PXDNL: variants seen among roughly 807,000 people sequenced by gnomAD.
PXDNL encodes probable oxidoreductase PXDNL.
PXDNL carries 145 observed loss-of-function variants against 150.8 expected under a neutral mutation model. The ratio of observed to expected loss-of-function variants is 0.96; its 90% CI spans 0.84 to 1.10. The LOEUF is 1.10. Ranked by LOEUF, PXDNL falls within the 50% of genes least tolerant of loss-of-function variation. The pLI is 0.00. For synonymous variants in PXDNL, 757 were observed against 725.7 expected, an observed-to-expected ratio of 1.04 and a Z score of -0.69; for missense variants, 2,087 against 1,873.9, an observed-to-expected ratio of 1.11 and a Z score of -2.10.
At chr8:51,520,415 G>T (rs1470379985) in intron 4 of PXDNL, among the ~76,000 whole-genome samples, 1 of 150,220 alleles carries the variant, frequency 6.7e-6, no homozygotes, top group Non-Finnish European at 1.5e-5. Context: ...AGTGACTGGG[G>T]CCAATCACTC....
intron 3 of PXDNL, among the ~76,000 whole-genome samples, chr8:51,584,386 C>T (rs1164070798): frequency 1.3e-5 from 2 of 152,154 alleles, no homozygotes; most frequent in South Asian, 2.1e-4. Flanking sequence ...ACTGCCTGCT[C>T]TGCTTCTGTT....
At chr8:51,493,972 T>C (rs2130248144) in intron 5 of PXDNL, among the ~76,000 whole-genome samples, 1 of 152,062 alleles carries the variant, frequency 6.6e-6, no homozygotes, top group Non-Finnish European at 1.5e-5. Flanking sequence ...CCAAGACACA[T>C]AATTGTCAGA....
At chr8:51,807,625 T>C (rs768674733) in intron 1 of PXDNL, among the ~76,000 whole-genome samples, 6 of 152,186 alleles carry the variant, frequency 3.9e-5, no homozygotes, top group Non-Finnish European at 8.8e-5. Flanking sequence ...CAGACAGGAA[T>C]CTAGCCAAGG....
Position 51,409,076 on chromosome 8 carries a change from C to G in PXDNL, c.2548G>C (p.Ala850Pro). The G allele has an allele frequency of 1.2e-6, 2 of 1,609,428 alleles. No homozygotes were observed. Among genetic ancestry groups the G allele is most frequent in the Non-Finnish European group, 1.7e-6 (2 of 1,179,412 alleles). The stretch of plus-strand genomic sequence containing the variant: ...GGCGCGTGGGTGCCCCGGGGGTCGG[C>G]GTGCCGGGTGTTCATGGGGAAACAA... ...PPCFPMNTRH[A>P]DPRGTHAPCM... is the part of the protein sequence containing the mutation. The change falls in exon 17 of 23, where the codon GCC (alanine) becomes CCC (proline). Residue 850 changes from alanine to proline, a missense_variant. By Grantham distance (27) the Ala-to-Pro change is conservative (BLOSUM62 -1). Transcript: ENST00000356297.
At chr8:51,383,701 T>TA (rs910676488) in intron 17 of PXDNL, among the ~76,000 whole-genome samples, 5 of 152,172 alleles carry the variant, frequency 3.3e-5, no homozygotes, top group Non-Finnish European at 5.9e-5. Context: ...AGCTATATTT[T>TA]AAAAAAAGTG....
intron 4 of PXDNL, among the ~76,000 whole-genome samples, chr8:51,551,690 A>T (rs184266559): frequency 1.6e-4 from 25 of 152,338 alleles, no homozygotes; most frequent in Middle Eastern, 3.4e-3. Flanking sequence ...AGGGTCAAAG[A>T]TGTAAATCTA....
chr8:51,730,942 C>T (rs763223565), intron 1 of PXDNL, among the ~76,000 whole-genome samples: 2 of 152,132 alleles, frequency 1.3e-5, no homozygotes, highest in Non-Finnish European at 2.9e-5. Flanking sequence ...GAGTCCCTCC[C>T]ATGACATGTG....
intron 5 of PXDNL, among the ~76,000 whole-genome samples, chr8:51,486,617 T>C (rs1281237987): frequency 6.7e-6 from 1 of 150,078 alleles, no homozygotes; most frequent in Admixed American, 6.6e-5. Context: ...TTTTTCTTTC[T>C]TCTTTCCAAC....
chr8:51,802,125 T>C (rs1236510041), intron 1 of PXDNL, among the ~76,000 whole-genome samples: 1 of 152,042 alleles, frequency 6.6e-6, no homozygotes, highest in Non-Finnish European at 1.5e-5. Flanking sequence ...AAGAAGTTAG[T>C]AGACAGGAAT....
intron 2 of PXDNL, among the ~76,000 whole-genome samples, chr8:51,649,745 T>C (rs535983309): frequency 3.3e-5 from 5 of 152,292 alleles, no homozygotes; most frequent in Non-Finnish European, 5.9e-5. Context: ...TGATTAAACA[T>C]TTTATTGACT....
chr8:51,351,940 C>T (rs1387379159), intron 19 of PXDNL, among the ~76,000 whole-genome samples: 1 of 152,098 alleles, frequency 6.6e-6, no homozygotes, highest in Non-Finnish European at 1.5e-5. Flanking sequence ...AAGACAGAGT[C>T]TAATATGAGG....
At chr8:51,491,622 A>G (rs376038289) in intron 5 of PXDNL, among the ~76,000 whole-genome samples, 1 of 152,146 alleles carries the variant, frequency 6.6e-6, no homozygotes, top group East Asian at 1.9e-4. Flanking sequence ...CCTGCCTGCC[A>G]GGGCTTCCAC....
chr8:51,345,686 C>T (rs1482631018), intron 20 of PXDNL, 147 bp downstream of exon 20: 4 of 561,424 alleles, frequency 7.1e-6, no homozygotes, highest in Non-Finnish European at 1.3e-5. Context: ...TTACAGAATT[C>T]ATTCTGTGTT....
At position 51,447,042 on chromosome 8, in the gene PXDNL, A is replaced by AC; in HGVS notation, c.1486dup (p.Val496GlyfsTer51). ...AGTCAGCTGCACAGACACCTTTTTC[A>AC]CCCCCAACGAACTGACTGCTTGACA... On this transcript the variant is annotated frameshift_variant, in exon 12 of 23. Coordinates refer to ENST00000356297, the MANE Select transcript of PXDNL (RefSeq NM_144651.5). LOFTEE classifies it high-confidence loss of function. The AC allele has an allele frequency of 6.2e-7, 1 of 1,613,526 alleles. No individual in the cohort carries two copies. Among genetic ancestry groups the AC allele is most frequent in the Non-Finnish European group, 8.5e-7 (1 of 1,179,782 alleles).
At chr8:51,354,581 G>A (rs1038253520) in intron 19 of PXDNL, among the ~76,000 whole-genome samples, 1 of 152,030 alleles carries the variant, frequency 6.6e-6, no homozygotes, top group African/African-American at 2.4e-5. Context: ...TTACTAAAAG[G>A]CACATATCTA....
In PXDNL at chr8:51,408,867, G is replaced by A; in HGVS notation, c.2757C>T (p.Leu919=). Residue 919 remains leucine, a synonymous_variant, in exon 17 of 23, where the codon CTC becomes CTT. Transcript: ENST00000356297. ...GAGGCCAAGGAAAGCCTGTCTTCAGGAGACCCCGAGGCACCGAAGGGTCTC... is the reference window on the plus strand; with the variant it reads ...GAGGCCAAGGAAAGCCTGTCTTCAGAAGACCCCGAGGCACCGAAGGGTCTC... The part of the protein sequence containing the change: ...ALRDPSVPRG[L]LKTGFPWPPS... 1.3e-6 allele frequency: 2 copies of A among 1,591,678 alleles called. No homozygotes were observed. Among genetic ancestry groups the A allele is most frequent in the Admixed American group, 1.8e-5 (1 of 56,646 alleles).
chr8:51,407,625 C>T (rs921645549), intron 17 of PXDNL, among the ~76,000 whole-genome samples: 1 of 152,226 alleles, frequency 6.6e-6, no homozygotes, highest in East Asian at 1.9e-4. Context: ...AAATTCCGAC[C>T]ATGAATTTAG....
chr8:51,788,212 T>G (rs1037436721), intron 1 of PXDNL, among the ~76,000 whole-genome samples: 1 of 152,250 alleles, frequency 6.6e-6, no homozygotes, highest in African/African-American at 2.4e-5. Flanking sequence ...CTGCAATATC[T>G]TTGTAATGAC....
At chr8:51,606,299 C>T (rs1160514052) in intron 2 of PXDNL, among the ~76,000 whole-genome samples, 1 of 152,126 alleles carries the variant, frequency 6.6e-6, no homozygotes, top group African/African-American at 2.4e-5. Flanking sequence ...GATAACAAAA[C>T]TAATGAAACA....
Sources: allele counts gnomAD v4.1 joint callset (sites outside exome capture counted in the v4.1 genomes callset), GRCh38; gene constraint gnomAD v4.1.1; transcripts MANE v1.5; gene names NCBI Gene and HGNC (gene_info 2026-07-23, HGNC 2026-07-21).